CFAP20DC: variants seen among roughly 807,000 people sequenced by gnomAD.
The protein encoded by CFAP20DC is CFAP20 domain containing.
A neutral mutation model predicts 101.7 loss-of-function variants in CFAP20DC; 84 were observed. That is an observed-to-expected ratio of 0.83 (90% confidence interval 0.69 to 0.99). CFAP20DC has a LOEUF of 0.99. Ranked by LOEUF, CFAP20DC falls within the 50% of genes least tolerant of loss-of-function variation. CFAP20DC has a pLI of 0.00. For missense variants in CFAP20DC, 1,007 were observed against 970.3 expected (o/e 1.04, Z -0.50); for synonymous variants, 359 against 351.2 (o/e 1.02, Z -0.25).
In CFAP20DC at chr3:58,971,430, T is replaced by C. The variant is rs1302246120; in HGVS notation, c.279-33668A>G. ...TAAAATATCTCCGACATTCACTCTTTAGATCTTTCTATCCTTCCTCACCTA... is the reference window on the plus strand; with the variant it reads ...TAAAATATCTCCGACATTCACTCTTCAGATCTTTCTATCCTTCCTCACCTA... On this transcript the variant is annotated intron_variant, in intron 4 of 16. Coordinates refer to ENST00000482387, the MANE Select transcript of CFAP20DC (RefSeq NM_001394063.1). This position sits in a 1 kb window ranked among gnomAD's most constrained non-coding sequence, Gnocchi z 4.1. 6.6e-6 allele frequency among the ~76,000 whole-genome samples: 1 copy of C among 152,206 alleles called. No homozygotes were observed. The highest frequency in any genetic ancestry group is 1.5e-5 in the Non-Finnish European group (1 of 68,028).
rs976429813 is a variant in CFAP20DC at position 58,874,310 on chromosome 3, A to G, written c.716-4001T>C. On this transcript the variant is annotated intron_variant, in intron 7 of 16. Transcript: ENST00000482387. The surrounding 1 kb of genome is among the most constrained non-coding windows in gnomAD (Gnocchi z 5.1). Reference sequence around the variant, plus strand: ...GACATCCTCTTCCTCCTGGATGATGACAAAGCCTTACTGTGTGACTTACTG... The same window carrying G: ...GACATCCTCTTCCTCCTGGATGATGGCAAAGCCTTACTGTGTGACTTACTG... 3.3e-5 allele frequency among the ~76,000 whole-genome samples: 5 copies of G among 152,320 alleles called. No individual in the cohort carries two copies. Among genetic ancestry groups the G allele is most frequent in the African/African-American group, 1.2e-4 (5 of 41,584 alleles).
intron 11 of CFAP20DC, among the ~76,000 whole-genome samples, chr3:58,865,685 T>C (rs899319209): frequency 2.6e-5 from 4 of 152,192 alleles, no homozygotes; most frequent in African/African-American, 7.2e-5. Flanking sequence ...TGCTGAGAAA[T>C]GTTACAAAAG....
intron 7 of CFAP20DC, among the ~76,000 whole-genome samples, chr3:58,870,888 C>G (rs1260997650): frequency 3.1e-5 from 3 of 96,020 alleles, no homozygotes; most frequent in African/African-American, 1.4e-4. Context: ...GAGCGAGACT[C>G]CGTCTCAAAA....
At chr3:58,951,252 AAAC>A (rs2090069191) in intron 4 of CFAP20DC, among the ~76,000 whole-genome samples, 1 of 152,216 alleles carries the variant, frequency 6.6e-6, no homozygotes, top group South Asian at 2.1e-4. Flanking sequence ...AAAAGTTAGA[AAAC>A]AACAGGTGCT....
At chr3:58,783,898 G>A (rs1332934971) in intron 15 of CFAP20DC, among the ~76,000 whole-genome samples, 1 of 152,094 alleles carries the variant, frequency 6.6e-6, no homozygotes, top group Non-Finnish European at 1.5e-5. Flanking sequence ...GTGCAGATTT[G>A]TTATGTGGGT....
At chr3:58,749,693 C>T (rs954106127) in intron 16 of CFAP20DC, among the ~76,000 whole-genome samples, 1 of 150,022 alleles carries the variant, frequency 6.7e-6, no homozygotes, top group Non-Finnish European at 1.5e-5. Flanking sequence ...GACAGGGCTA[C>T]AGGCCTGAAG....
At chr3:58,734,748 C>A (rs904942294) in intron 3 of CFAP20DC, among the ~76,000 whole-genome samples, 26 of 152,268 alleles carry the variant, frequency 1.7e-4, no homozygotes, top group African/African-American at 5.5e-4. Flanking sequence ...CTTTTCTGCA[C>A]CATGTCACCT....
In CFAP20DC at chr3:58,719,501, T is replaced by C. The variant is rs117248682; in HGVS notation, c.198-1873A>G. On this transcript the variant is annotated intron_variant, in intron 3 of 3. Coordinates refer to the CFAP20DC transcript ENST00000486145. ...GACTTGTGTTAGCAAACGGTTTACTTTGCAGGCATGGAAGATCCTGTGTTC... is the reference window on the plus strand; with the variant it reads ...GACTTGTGTTAGCAAACGGTTTACTCTGCAGGCATGGAAGATCCTGTGTTC... Among the ~76,000 whole-genome samples, 490 of 152,344 alleles carry C rather than the reference T, an allele frequency of 3.2e-3. 7 individuals are homozygous for C. In the East Asian group the frequency reaches 0.049, roughly 15 times the overall value.
chr3:58,956,083 A>G (rs1368389131), intron 4 of CFAP20DC, among the ~76,000 whole-genome samples: 1 of 151,452 alleles, frequency 6.6e-6, no homozygotes, highest in Non-Finnish European at 1.5e-5. Context: ...CTGACTTCAC[A>G]TGAGAGTCAG....
At chr3:58,823,586 T>C (rs954184082) in intron 14 of CFAP20DC, among the ~76,000 whole-genome samples, 4 of 152,136 alleles carry the variant, frequency 2.6e-5, no homozygotes, top group African/African-American at 9.7e-5. Context: ...ACACTGGGTA[T>C]TAACCCAGGA....
intron 4 of CFAP20DC, among the ~76,000 whole-genome samples, chr3:59,033,843 C>T (rs547568430): frequency 4.7e-4 from 72 of 152,228 alleles, no homozygotes; most frequent in African/African-American, 1.6e-3. Flanking sequence ...TCAGGAAATA[C>T]AGAGAACACC....
chr3:58,718,074 T>C (rs1353459046), intron 3 of CFAP20DC, among the ~76,000 whole-genome samples: 1 of 152,218 alleles, frequency 6.6e-6, no homozygotes, highest in Non-Finnish European at 1.5e-5. Flanking sequence ...GAGGCCAATT[T>C]TGTGCCTGGC....
chr3:58,831,673 G>A lies in CFAP20DC; in HGVS notation c.2175+13C>T, dbSNP rs145776588. ...TTAAGCAATGAGAGGAAGCTGCAAA[G>A]CCAGGGACTCACGGGTGGCAGGCAG... On this transcript the variant is annotated intron_variant, in intron 14 of 16. Transcript: ENST00000482387. 5.1e-4 allele frequency: 819 copies of A among 1,611,868 alleles called. 7 individuals carry two copies. In the African/African-American group the frequency reaches 0.01, roughly 20 times the overall value.
At chr3:58,887,834 G>A (rs570698379) in intron 6 of CFAP20DC, among the ~76,000 whole-genome samples, 1 of 152,268 alleles carries the variant, frequency 6.6e-6, no homozygotes, top group Non-Finnish European at 1.5e-5. Context: ...AAGGAGAAAT[G>A]TTTTTTAAAA....
intron 4 of CFAP20DC, among the ~76,000 whole-genome samples, chr3:59,000,828 G>C (rs2093288620): frequency 1.3e-5 from 2 of 152,132 alleles, no homozygotes. Flanking sequence ...GAAACCTCAA[G>C]AGATACCAAC....
rs2079999274 is a variant in CFAP20DC, at chr3:58,869,900, T to C, written c.852+273A>G. ...AGAGACAGCAAAATGTGCTCACTTA[T>C]ATTTGCCTTTAAATTTTGTGAACAT... On this transcript the variant is annotated intron_variant, in intron 8 of 16. Coordinates refer to ENST00000482387, the MANE Select transcript of CFAP20DC (RefSeq NM_001394063.1). The surrounding 1 kb of genome is among the most constrained non-coding windows in gnomAD (Gnocchi z 4.3). Among the ~76,000 whole-genome samples the C allele has an allele frequency of 6.6e-6, 1 of 152,252 alleles. No homozygotes were observed. Among genetic ancestry groups the C allele is most frequent in the Non-Finnish European group, 1.5e-5 (1 of 68,046 alleles).
intron 6 of CFAP20DC, among the ~76,000 whole-genome samples, chr3:58,891,984 T>C (rs1055596822): frequency 1.3e-5 from 2 of 152,254 alleles, no homozygotes; most frequent in Admixed American, 1.3e-4. Context: ...TTTAAGTCTT[T>C]AATCCATCTT....
At chr3:58,889,034 CCAACATATACAAAATCTTAATT>C (rs2081923905) in intron 6 of CFAP20DC, among the ~76,000 whole-genome samples, 5 of 149,696 alleles carry the variant, frequency 3.3e-5, no homozygotes, top group Admixed American at 2.0e-4. Flanking sequence ...TTTGTTTAAT[CCAACATATACAAAATCTTAATT>C]CAACATGTTA....
At chr3:58,820,493 C>A (rs545935558) in intron 14 of CFAP20DC, among the ~76,000 whole-genome samples, 6 of 150,288 alleles carry the variant, frequency 4.0e-5, no homozygotes, top group African/African-American at 1.5e-4. Flanking sequence ...TTCTGATACA[C>A]CAACAACAGA....
Sources: gnomAD v4.1 joint callset for allele counts (sites outside exome capture counted in the v4.1 genomes callset) on GRCh38, gnomAD v4.1.1 for gene constraint, Gnocchi (gnomAD v3.1) non-coding constraint, MANE v1.5 for transcripts, NCBI Gene and HGNC (gene_info 2026-07-23, HGNC 2026-07-21) for gene names.